Variants in SPIDR observed in about 807,000 individuals in gnomAD.
SPIDR encodes the protein DNA repair-scaffolding protein.
In SPIDR, 93 loss-of-function variants were observed where a neutral mutation model predicts 104.6. The observed-to-expected ratio is 0.89, with a 90% confidence interval of 0.75 to 1.06. The LOEUF (loss-of-function observed/expected upper bound fraction) is 1.06. SPIDR is among the 50% of genes least tolerant of loss of function. The probability of loss-of-function intolerance (pLI) is 0.00; values close to 1 mark genes in which losing one functional copy is unlikely to be tolerated. For synonymous variants in SPIDR, 431 were observed against 416.9 expected (o/e 1.03, Z -0.41); for missense variants, 1,154 against 1,111.2 (o/e 1.04, Z -0.55).
intron 5 of SPIDR, among the ~76,000 whole-genome samples, chr8:47,389,004 C>G (rs911044001): frequency 1.3e-5 from 2 of 152,148 alleles, no homozygotes; most frequent in Non-Finnish European, 2.9e-5. Flanking sequence ...GTGATATTTA[C>G]TCACTAAATC....
At chr8:47,675,202 A>G (rs888952966) in intron 11 of SPIDR, among the ~76,000 whole-genome samples, 1 of 152,062 alleles carries the variant, frequency 6.6e-6, no homozygotes, top group African/African-American at 2.4e-5. Context: ...ACGCCCAGCT[A>G]ATTTTCTGTA....
chr8:47,441,516 A>C (rs1310644391), intron 8 of SPIDR, among the ~76,000 whole-genome samples: 1 of 151,956 alleles, frequency 6.6e-6, no homozygotes, highest in Non-Finnish European at 1.5e-5. Context: ...AAATGATTAA[A>C]AAAAAAAGTA....
chr8:47,303,544 G>C (rs1314745419), intron 5 of SPIDR, among the ~76,000 whole-genome samples: 2 of 152,090 alleles, frequency 1.3e-5, no homozygotes, highest in Admixed American at 1.3e-4. Flanking sequence ...ACTCACGCTG[G>C]GAGCTGTAGA....
intron 7 of SPIDR, among the ~76,000 whole-genome samples, chr8:47,435,722 A>C (rs1366921477): frequency 1.3e-5 from 2 of 152,252 alleles, no homozygotes; most frequent in Admixed American, 6.5e-5. Flanking sequence ...CAGCCACAGC[A>C]ATAGGCCTCA....
chr8:47,511,857 G>C lies in SPIDR; in HGVS notation c.1097+71315G>C, dbSNP rs574159835. The C allele has an allele frequency of 2.3e-3, 1,966 of 838,678 alleles. 43 individuals carry two copies. Among genetic ancestry groups the C allele is most frequent in the South Asian group, 0.023 (1,754 of 75,584 alleles). 52.0% of individuals were successfully genotyped at this position (838,678 alleles called of 1,614,324 possible). ...GCTGTCCACTTCTCTCTGAGGCCCC[G>C]GCATAAAACCTCTGGCCTTCCTCCT... is the stretch of plus-strand genomic sequence containing the variant. On this transcript the variant is annotated intron_variant, in intron 8 of 19. Coordinates refer to ENST00000297423, the MANE Select transcript of SPIDR (RefSeq NM_001080394.4).
intron 8 of SPIDR, among the ~76,000 whole-genome samples, chr8:47,487,017 A>G (rs927388873): frequency 1.3e-5 from 2 of 152,214 alleles, no homozygotes; most frequent in Non-Finnish European, 2.9e-5. Flanking sequence ...CCTTAAATGT[A>G]AATGGGCTAA....
intron 8 of SPIDR, among the ~76,000 whole-genome samples, chr8:47,521,247 T>A (rs1314236027): frequency 6.6e-6 from 1 of 152,198 alleles, no homozygotes; most frequent in African/African-American, 2.4e-5. Flanking sequence ...ATGCTTTGGC[T>A]AATCAACTAG....
chr8:47,695,684 G>T (rs1484558891), intron 11 of SPIDR, among the ~76,000 whole-genome samples: 3 of 152,198 alleles, frequency 2.0e-5, no homozygotes, highest in Non-Finnish European at 2.9e-5. Context: ...GACTTTCCAT[G>T]TTTACTTTCT....
At chr8:47,602,628 C>G (rs2062432566) in intron 10 of SPIDR, among the ~76,000 whole-genome samples, 1 of 152,226 alleles carries the variant, frequency 6.6e-6, no homozygotes. Context: ...GTTTACTTCA[C>G]ACCTTGATCG....
chr8:47,290,533 A>G (rs1324173261), intron 3 of SPIDR, among the ~76,000 whole-genome samples: 2 of 152,160 alleles, frequency 1.3e-5, no homozygotes, highest in Non-Finnish European at 2.9e-5. Flanking sequence ...CTATATATGA[A>G]TCTAATATTA....
At chr8:47,484,727 G>T (rs1482761492) in intron 8 of SPIDR, among the ~76,000 whole-genome samples, 1 of 152,216 alleles carries the variant, frequency 6.6e-6, no homozygotes, top group African/African-American at 2.4e-5. Flanking sequence ...ACATCATTGG[G>T]ACCAGTAGTA....
intron 8 of SPIDR, among the ~76,000 whole-genome samples, chr8:47,516,317 A>T: frequency 6.6e-6 from 1 of 152,210 alleles, no homozygotes; most frequent in East Asian, 1.9e-4. Flanking sequence ...CCATTTTTAG[A>T]TGTATTTTCA....
At chr8:47,666,228 C>T (rs2154465938) in intron 10 of SPIDR, among the ~76,000 whole-genome samples, 1 of 152,310 alleles carries the variant, frequency 6.6e-6, no homozygotes, top group East Asian at 1.9e-4. Context: ...TCCTCAGTCA[C>T]ATCAGCCACA....
chr8:47,600,913 G>C (rs2062194345), intron 10 of SPIDR, among the ~76,000 whole-genome samples: 1 of 152,212 alleles, frequency 6.6e-6, no homozygotes, highest in Admixed American at 6.5e-5. Context: ...CGACAAAACT[G>C]ACAGTGCGGT....
chr8:47,512,634 G>A (rs757166833), intron 8 of SPIDR, among the ~76,000 whole-genome samples: 1 of 152,162 alleles, frequency 6.6e-6, no homozygotes, highest in Non-Finnish European at 1.5e-5. Flanking sequence ...TGGCGCTGAC[G>A]TCACGGCTGC....
intron 8 of SPIDR, among the ~76,000 whole-genome samples, chr8:47,476,337 C>T (rs1009305985): frequency 1.3e-5 from 2 of 152,114 alleles, no homozygotes; most frequent in African/African-American, 2.4e-5. Flanking sequence ...TTGATTGCCA[C>T]GAATTCCCTT....
At chr8:47,363,228 CAG>C (rs1173280198) in intron 5 of SPIDR, among the ~76,000 whole-genome samples, 1 of 92,134 alleles carries the variant, frequency 1.1e-5, no homozygotes, top group Non-Finnish European at 1.9e-5. Flanking sequence ...TTTTTTGAGA[CAG>C]AGTCTTGCTC....
chr8:47,490,901 C>G (rs782478017), intron 8 of SPIDR, among the ~76,000 whole-genome samples: 3 of 152,082 alleles, frequency 2.0e-5, no homozygotes, highest in Non-Finnish European at 4.4e-5. Context: ...ATGTAAATGA[C>G]GGTGAATGGG....
rs2086133118 is a variant in SPIDR at position 47,735,395 on chromosome 8, T to C, written c.2693T>C (p.Ile898Thr). 9 of 1,614,134 alleles carry C rather than the reference T, an allele frequency of 5.6e-6. No individual in the cohort carries two copies. The highest frequency in any genetic ancestry group is 1.6e-4 in the Middle Eastern group (1 of 6,062). The change falls in exon 20 of 20, where the codon ATT (isoleucine) becomes ACT (threonine). Residue 898 changes from isoleucine (I) to threonine (T), a missense_variant. Transcript: ENST00000297423. ...GTAACCGCCCACCCGACCAGCTGCA[T>C]TGGATTGGAGGAAATCGAGCTTCTG... ...QSVTAHPTSC[I>T]GLEEIELLSA... is the part of the protein sequence containing the mutation.
Sources: allele counts gnomAD v4.1 joint callset (sites outside exome capture counted in the v4.1 genomes callset), GRCh38; gene constraint gnomAD v4.1.1; transcripts MANE v1.5; gene names NCBI Gene and HGNC (gene_info 2026-07-23, HGNC 2026-07-21).